The following MSRB3 variants were observed in gnomAD, a reference collection of about 807,000 sequenced individuals.
The protein encoded by MSRB3 is methionine-R-sulfoxide reductase B3.
MSRB3 carries 13 observed loss-of-function variants against 21.0 expected under a neutral mutation model. That is an observed-to-expected ratio of 0.62 (90% confidence interval 0.40 to 0.98). MSRB3 has a LOEUF of 0.98. Among genes scored for constraint, MSRB3 ranks in the 50% least tolerant of loss-of-function variants. The pLI is 0.00. For synonymous variants in MSRB3, 87 were observed against 88.6 expected (o/e 0.98, Z 0.10); for missense variants, 199 against 230.3 (o/e 0.86, Z 0.88).
chr12:65,285,865 G>C (rs190106778), intron 1 of MSRB3: 2 of 152,276 alleles, frequency 1.3e-5, no homozygotes, highest in African/African-American at 2.4e-5. Flanking sequence ...TGTTTTCTTA[G>C]GGTCTAGTTC....
chr12:65,417,546 G>A (rs1172413698), intron 5 of MSRB3, among the ~76,000 whole-genome samples: 2 of 152,030 alleles, frequency 1.3e-5, no homozygotes, highest in African/African-American at 4.8e-5. Context: ...GCATACCATA[G>A]GTTGTTATTT....
chr12:65,420,057 C>G, intron 5 of MSRB3: 1 of 520,212 alleles, frequency 1.9e-6, no homozygotes, highest in Non-Finnish European at 3.9e-6. Flanking sequence ...AGAGAGGACT[C>G]AGGCTTTGCT....
intron 1 of MSRB3, among the ~76,000 whole-genome samples, chr12:65,291,600 G>A (rs1320258125): frequency 1.3e-5 from 2 of 151,422 alleles, no homozygotes; most frequent in African/African-American, 4.9e-5. Context: ...AATATGTATT[G>A]AGCCCTGTTA....
intron 5 of MSRB3, among the ~76,000 whole-genome samples, chr12:65,402,298 C>A (rs937717476): frequency 3.3e-5 from 5 of 152,114 alleles, no homozygotes; most frequent in African/African-American, 1.2e-4. Flanking sequence ...TTCTTGGAGG[C>A]TTTGATCATT....
At chr12:65,353,725 A>G (rs1210991038) in intron 4 of MSRB3, among the ~76,000 whole-genome samples, 4 of 152,114 alleles carry the variant, frequency 2.6e-5, no homozygotes, top group African/African-American at 4.8e-5. Context: ...GCCCATTTAC[A>G]TTTAAAGTTA....
At chr12:65,320,175 GATT>G (rs1477258279) in intron 2 of MSRB3, among the ~76,000 whole-genome samples, 2 of 152,010 alleles carry the variant, frequency 1.3e-5, no homozygotes, top group African/African-American at 2.4e-5. Context: ...CATTAAATGT[GATT>G]ATTATTATGA....
At chr12:65,343,465 C>T (rs764898080) in intron 4 of MSRB3, among the ~76,000 whole-genome samples, 5 of 151,982 alleles carry the variant, frequency 3.3e-5, no homozygotes, top group Non-Finnish European at 5.9e-5. Context: ...CAATGAAGGG[C>T]GGGACACCAA....
At chr12:65,451,991 A>G (rs1359039912) in intron 5 of MSRB3, among the ~76,000 whole-genome samples, 2 of 152,218 alleles carry the variant, frequency 1.3e-5, no homozygotes, top group African/African-American at 4.8e-5. Context: ...TAAATTACAA[A>G]TCCAGGGTGA....
At chr12:65,402,908 T>G in intron 5 of MSRB3, among the ~76,000 whole-genome samples, 1 of 152,196 alleles carries the variant, frequency 6.6e-6, no homozygotes, top group East Asian at 1.9e-4. Flanking sequence ...CTCCAGACCC[T>G]GTTTGCTTGG....
chr12:65,396,954 G>T (rs1245563355), intron 5 of MSRB3, among the ~76,000 whole-genome samples: 1 of 152,224 alleles, frequency 6.6e-6, no homozygotes, highest in Non-Finnish European at 1.5e-5. Context: ...TTCTAATAGA[G>T]GGGTGTTGAA....
rs570715039 is a variant in MSRB3, at chr12:65,311,533, C to G, written c.76+2878C>G. ...GAAATTAACTTCAACAGTAATGAAACAGACTGCTTAAATTTTGAAAAATAA... is the reference window on the plus strand; with the variant it reads ...GAAATTAACTTCAACAGTAATGAAAGAGACTGCTTAAATTTTGAAAAATAA... On this transcript the variant is annotated intron_variant, in intron 2 of 6. Coordinates refer to ENST00000308259, the MANE Select transcript of MSRB3 (RefSeq NM_001031679.3). 2.0e-5 allele frequency among the ~76,000 whole-genome samples: 3 copies of G among 152,012 alleles called. No homozygotes were observed. In the East Asian group the frequency reaches 5.8e-4, roughly 29 times the overall value.
At chr12:65,395,990 A>G (rs1284576943) in intron 5 of MSRB3, among the ~76,000 whole-genome samples, 1 of 151,860 alleles carries the variant, frequency 6.6e-6, no homozygotes, top group Non-Finnish European at 1.5e-5. Flanking sequence ...TTGATTTCCT[A>G]CTTCTAATTT....
intron 1 of MSRB3, chr12:65,279,069 G>C: frequency 7.0e-7 from 1 of 1,419,682 alleles, no homozygotes; most frequent in Non-Finnish European, 9.2e-7. Context: ...CGAACGGAAG[G>C]AGGTCAGGGC....
chr12:65,347,566 A>G (rs1876605233), intron 4 of MSRB3, among the ~76,000 whole-genome samples: 1 of 152,154 alleles, frequency 6.6e-6, no homozygotes, highest in Non-Finnish European at 1.5e-5. Context: ...TCCTAGCTGA[A>G]TACCCTCTAT....
At chr12:65,388,792 G>T (rs1183053355) in intron 5 of MSRB3, among the ~76,000 whole-genome samples, 1 of 152,104 alleles carries the variant, frequency 6.6e-6, no homozygotes, top group Non-Finnish European at 1.5e-5. Flanking sequence ...GATCACCTGA[G>T]CCCAGGGAGG....
At chr12:65,337,250 A>G (rs1254573916) in intron 4 of MSRB3, among the ~76,000 whole-genome samples, 3 of 149,890 alleles carry the variant, frequency 2.0e-5, no homozygotes, top group Non-Finnish European at 4.4e-5. Flanking sequence ...CTCAAAAAAA[A>G]CAAAAAACAA....
chr12:65,311,272 C>G (rs888258418), intron 2 of MSRB3, among the ~76,000 whole-genome samples: 1 of 151,962 alleles, frequency 6.6e-6, no homozygotes, highest in Non-Finnish European at 1.5e-5. Context: ...GGTAAAAGCC[C>G]AAAGAAACTC....
chr12:65,285,763 T>C (rs1872305813), intron 1 of MSRB3: 1 of 152,422 alleles, frequency 6.6e-6, no homozygotes, highest in African/African-American at 2.4e-5. Context: ...GAGGTTGCAG[T>C]GAGCCAAGAT....
intron 5 of MSRB3, among the ~76,000 whole-genome samples, chr12:65,372,411 A>G (rs182987218): frequency 3.3e-5 from 5 of 152,368 alleles, no homozygotes; most frequent in Admixed American, 1.3e-4. Context: ...CTGTTGATTT[A>G]TAACTCAATC....
Sources: gnomAD v4.1 joint callset for allele counts (sites outside exome capture counted in the v4.1 genomes callset) on GRCh38, gnomAD v4.1.1 for gene constraint, MANE v1.5 for transcripts, NCBI Gene and HGNC (gene_info 2026-07-23, HGNC 2026-07-21) for gene names.